Variants in CTU2 observed in about 807,000 individuals in gnomAD.
CTU2 encodes cytosolic thiouridylase subunit 2.
A neutral mutation model predicts 64.1 loss-of-function variants in CTU2; 80 were observed. That is an observed-to-expected ratio of 1.25 (90% CI 1.04 to 1.50). The LOEUF is 1.50. Ranked by LOEUF, CTU2 falls within the 40% of genes most tolerant of loss-of-function variation. The pLI, the probability that CTU2 is intolerant of heterozygous loss-of-function variation, is 0.00. For synonymous variants in CTU2, 482 were observed against 285.3 expected (o/e 1.69, Z -6.95); for missense variants, 1,110 against 690.2 (o/e 1.61, Z -6.81).
At chr16:88,709,766 GC>G in intron 2 of CTU2, 171 bp from the exon 3 acceptor site, 2 of 639,964 alleles carry the variant, frequency 3.1e-6, no homozygotes, top group Non-Finnish European at 5.5e-6. Context: ...GGAAGCCACT[GC>G]CAGAGGGGCC....
rs549719454 is a variant in CTU2 at position 88,710,252 on chromosome 16, G to A, written c.252G>A (p.Ser84=). 1.4e-5 allele frequency: 22 copies of A among 1,614,024 alleles called. No homozygotes were observed. Among genetic ancestry groups the A allele is most frequent in the African/African-American group, 4.0e-5 (3 of 75,028 alleles). Residue 84 remains serine, a synonymous_variant, in exon 4 of 15, where the codon TCG becomes TCA. Transcript: ENST00000453996. The part of the protein sequence containing the change: ...KVLLAWSGGP[S]SSSMVWQVLE... The stretch of plus-strand genomic sequence containing the variant: ...TCTTGGCGTGGTCTGGGGGGCCTTC[G>A]TCCAGCTCCATGGTCTGGCAGGTTC...
At chr16:88,714,999 G>C in intron 13 of CTU2, 49 bp from the exon 14 acceptor site, 1 of 1,592,412 alleles carries the variant, frequency 6.3e-7, no homozygotes, top group Admixed American at 1.7e-5. Context: ...GGTGGCTTGA[G>C]GGGGTGCTGG....
Position 88,710,022 on chromosome 16 carries a change from G to C in CTU2, c.222+6G>C, listed in dbSNP as rs549808540. The C allele has an allele frequency of 2.5e-6, 4 of 1,613,650 alleles. No homozygotes were observed. The highest frequency in any genetic ancestry group is 3.4e-6 in the Non-Finnish European group (4 of 1,179,924). On this transcript the variant is annotated splice_donor_region_variant and intron_variant, in intron 3 of 14. Transcript: ENST00000453996. ...TCATCTTTCCAGGCGAGAAGGTAGC[G>C]TCTGGGTCCTGGGGGTCTGACTGAG...
rs765140993 is a variant in CTU2 at position 88,713,795 on chromosome 16, G to A, written c.1005+17G>A. The A allele has an allele frequency of 1.9e-6, 3 of 1,611,224 alleles. No homozygotes were observed. The highest frequency in any genetic ancestry group is 1.7e-6 in the Non-Finnish European group (2 of 1,178,840). Reference sequence around the variant, plus strand: ...GACACCAAGGTGGGCCTTGTGGGCTGGGCAACCTCTCTCACCATTGACACC... The same window carrying A: ...GACACCAAGGTGGGCCTTGTGGGCTAGGCAACCTCTCTCACCATTGACACC... On this transcript the variant is annotated intron_variant, in intron 9 of 14. Transcript: ENST00000453996.
Position 88,715,376 on chromosome 16 carries a change from T to TAA in CTU2, c.*134_*135dup. 16 of 1,087,514 alleles carry TAA rather than the reference T, an allele frequency of 1.5e-5. No individual in the cohort carries two copies. Among genetic ancestry groups the TAA allele is most frequent in the Non-Finnish European group, 1.9e-5 (15 of 789,538 alleles). 67.4% of individuals were successfully genotyped at this position (1,087,514 alleles called of 1,614,324 possible). On this transcript the variant is annotated 3_prime_UTR_variant, in exon 15 of 15. Transcript: ENST00000453996. ...TTGTATAAATAAAACATTTTTTAAT[T>TAA]AAAAAAAAAACTCTACAGTACACGT...
intron 9 of CTU2, 33 bp downstream of exon 9, chr16:88,713,811 C>T (rs376234801): frequency 1.2e-6 from 2 of 1,611,116 alleles, no homozygotes; most frequent in African/African-American, 1.3e-5. Flanking sequence ...CCTCTCTCAC[C>T]ATTGACACCG....
chr16:88,712,773 A>G lies in CTU2; in HGVS notation c.605A>G (p.Gln202Arg). ...GGPGPTQGEE[Q>R]PPQPPLDPQN... ...CCTGGCCCGACTCAAGGGGAGGAAC[A>G]GCCACCCCAGCCCCCGCTGGACCCC... The change falls in exon 7 of 15, where the codon CAG becomes CGG. Residue 202 changes from glutamine to arginine, a missense_variant. Physicochemically the swap from Gln to Arg is conservative, Grantham distance 43. Transcript: ENST00000453996. 1 of 1,608,244 alleles carries G rather than the reference A, an allele frequency of 6.2e-7. No individual in the cohort carries two copies. The highest frequency in any genetic ancestry group is 1.9e-4 in the Middle Eastern group (1 of 5,154).
At chr16:88,712,472 C>A (rs1450266548) in intron 6 of CTU2, 89 bp downstream of exon 6, 8 of 1,449,940 alleles carry the variant, frequency 5.5e-6, no homozygotes, top group South Asian at 1.3e-5. Flanking sequence ...TCTCCCTCAT[C>A]CCAGAAGGCG....
rs536073006 is a variant in CTU2 at position 88,712,696 on chromosome 16, G to C, written c.528G>C (p.Ala176=). Residue 176 remains alanine, a synonymous_variant, in exon 7 of 15, where the codon GCG becomes GCC. Transcript: ENST00000453996. ...TGGGATCCGAGGGGGCCTACAAGGC[G>C]GCCGTGGACAGCTTCCTCCAGCAGC... is the stretch of plus-strand genomic sequence containing the variant. ...ELVGSEGAYK[A]AVDSFLQQQH... The C allele has an allele frequency of 6.4e-5, 103 of 1,610,436 alleles. 1 individual carries two copies. The East Asian group carries it at 1.5e-3, about 23-fold the overall frequency.
Position 88,714,376 on chromosome 16 carries a change from G to A in CTU2, c.1098-7G>A. On this transcript the variant is annotated splice_region_variant and splice_polypyrimidine_tract_variant and intron_variant, in intron 10 of 14. Transcript: ENST00000453996. ...ATTCACCTGCTCCTCCCACAATCCG[G>A]CCACAGGACAAGTGAGAAGCTGGTG... 3 of 1,612,264 alleles carry A rather than the reference G, an allele frequency of 1.9e-6. No homozygotes were observed. Among genetic ancestry groups the A allele is most frequent in the African/African-American group, 2.7e-5 (2 of 75,046 alleles).
rs185102650 is a variant in CTU2 at position 88,711,542 on chromosome 16, A to G, written c.283-93A>G. ...GGGGAAGACCACTTCACCTTCCAAGATGGCATTAAATCCAGATGAAGAATG... is the reference window on the plus strand; with the variant it reads ...GGGGAAGACCACTTCACCTTCCAAGGTGGCATTAAATCCAGATGAAGAATG... On this transcript the variant is annotated intron_variant, in intron 4 of 14. Coordinates refer to ENST00000453996, the MANE Select transcript of CTU2 (RefSeq NM_001012759.3). The G allele has an allele frequency of 5.6e-5, 70 of 1,254,700 alleles. No homozygotes were observed. In the African/African-American group the frequency reaches 1.0e-3, roughly 18 times the overall value. 77.7% of individuals were successfully genotyped at this position (1,254,700 alleles called of 1,614,324 possible). A position where few individuals can be genotyped will look rare whatever the true frequency, so the allele number is the denominator to read the frequency against.
intron 9 of CTU2, among the ~76,000 whole-genome samples, 159 bp downstream of exon 9, chr16:88,713,937 G>C (rs1911613250): frequency 6.6e-6 from 1 of 152,246 alleles, no homozygotes; most frequent in African/African-American, 2.4e-5. Context: ...CCTGTGCCGT[G>C]AGGGTGTGGG....
chr16:88,709,554 T>C (rs1411097565), intron 2 of CTU2: 2 of 190,562 alleles, frequency 1.0e-5, no homozygotes, highest in South Asian at 2.3e-4. Flanking sequence ...GGTGTCTGTA[T>C]GTGGTGGGTC....
rs1911903286 is a variant in CTU2 at position 88,715,360 on chromosome 16, TAAAAC to T, written c.*111_*115del. On this transcript the variant is annotated 3_prime_UTR_variant, in exon 15 of 15. Transcript: ENST00000453996. ...GCCTCTGATTGTCCATTTGTATAAATAAAACATTTTTTAATTAAAAAAAAAACTCT... is the reference window on the plus strand; with the variant it reads ...GCCTCTGATTGTCCATTTGTATAAATATTTTTTAATTAAAAAAAAAACTCT... The T allele has an allele frequency of 8.1e-7, 1 of 1,232,668 alleles. No individual in the cohort carries two copies. 76.4% of individuals were successfully genotyped at this position (1,232,668 alleles called of 1,614,324 possible).
chr16:88,711,222 C>G (rs1228311632), intron 4 of CTU2, among the ~76,000 whole-genome samples: 2 of 152,144 alleles, frequency 1.3e-5, no homozygotes, highest in East Asian at 3.9e-4. Context: ...TGGTGCTGCC[C>G]TTCCTGTGCC....
chr16:88,713,450 A>C lies in CTU2; in HGVS notation c.873+3A>C. On this transcript the variant is annotated splice_donor_region_variant and intron_variant, in intron 8 of 14. Coordinates refer to ENST00000453996, the MANE Select transcript of CTU2 (RefSeq NM_001012759.3). Reference sequence around the variant, plus strand: ...GGGCCTTCCTGGCCTGGGATACGGTAGGCAGGGGCCTGGGTGTTCAGGAGG... The same window carrying C: ...GGGCCTTCCTGGCCTGGGATACGGTCGGCAGGGGCCTGGGTGTTCAGGAGG... 1 of 1,575,018 alleles carries C rather than the reference A, an allele frequency of 6.3e-7. No homozygotes were observed. The highest frequency in any genetic ancestry group is 1.4e-5 in the African/African-American group (1 of 73,016).
intron 4 of CTU2, among the ~76,000 whole-genome samples, chr16:88,711,408 GA>G (rs1420983514): frequency 6.6e-6 from 1 of 152,184 alleles, no homozygotes; most frequent in Non-Finnish European, 1.5e-5. Context: ...TTACCAGGGG[GA>G]TGAAGACCCC....
rs747465242 is a variant in CTU2, at chr16:88,714,908, C to T, written c.1401C>T (p.Arg467=). 22 of 1,612,498 alleles carry T rather than the reference C, an allele frequency of 1.4e-5. No homozygotes were observed. Among genetic ancestry groups the T allele is most frequent in the African/African-American group, 4.0e-5 (3 of 74,926 alleles). The change falls in exon 13 of 15, where the codon CGC becomes CGT. Residue 467 remains arginine, a synonymous_variant. Transcript: ENST00000453996. The part of the protein sequence containing the change: ...CIEEQLCYSC[R]VNMKDLPSLD... ...AGGAGCAGCTGTGCTACAGCTGCCGCGTGAACATGAAGGACTTGGTGAGTA... is the reference window on the plus strand; with the variant it reads ...AGGAGCAGCTGTGCTACAGCTGCCGTGTGAACATGAAGGACTTGGTGAGTA...
At position 88,707,012 on chromosome 16, in the gene CTU2, G is replaced by A; in HGVS notation, c.69-124G>A. On this transcript the variant is annotated intron_variant, in intron 1 of 14. Coordinates refer to ENST00000453996, the MANE Select transcript of CTU2 (RefSeq NM_001012759.3). The stretch of plus-strand genomic sequence containing the variant: ...AGAACACAAGCCTGGGTTTGTGTGT[G>A]TACCGAGGTGCCTTTCTCTGACCCA... 8.2e-6 allele frequency: 7 copies of A among 855,916 alleles called. No homozygotes were observed. In the South Asian group the frequency reaches 8.6e-5, roughly 11 times the overall value. 53.0% of individuals were successfully genotyped at this position (855,916 alleles called of 1,614,324 possible).
Sources: gnomAD v4.1 joint callset for allele counts (sites outside exome capture counted in the v4.1 genomes callset) on GRCh38, gnomAD v4.1.1 for gene constraint, MANE v1.5 for transcripts, NCBI Gene and HGNC (gene_info 2026-07-23, HGNC 2026-07-21) for gene names.